The following MARCHF1 variants were observed in gnomAD, a reference collection of about 807,000 sequenced individuals.
MARCHF1 encodes membrane associated ring-CH-type finger 1.
MARCHF1 carries 40 observed loss-of-function variants against 54.2 expected under a neutral mutation model. The observed-to-expected ratio is 0.74, with a 90% CI of 0.57 to 0.96. The LOEUF (loss-of-function observed/expected upper bound fraction) is 0.96. Ranked by LOEUF, MARCHF1 falls within the 40% of genes least tolerant of loss-of-function variation. The pLI, the probability that MARCHF1 is intolerant of heterozygous loss-of-function variation, is 0.00. For synonymous variants in MARCHF1, 236 were observed against 236.3 expected, an observed-to-expected ratio of 1.00 and a Z score of 0.01; for missense variants, 586 against 656.5, an observed-to-expected ratio of 0.89 and a Z score of 1.17.
At chr4:163,592,439 C>A (rs1042932017) in intron 7 of MARCHF1, among the ~76,000 whole-genome samples, 3 of 152,070 alleles carry the variant, frequency 2.0e-5, no homozygotes, top group African/African-American at 7.2e-5. Context: ...ACAACAAAGA[C>A]AATGACATGG....
chr4:164,080,467 A>G (rs1560894562), intron 2 of MARCHF1, among the ~76,000 whole-genome samples: 5 of 152,180 alleles, frequency 3.3e-5, no homozygotes, highest in African/African-American at 9.7e-5. Context: ...TATATAGATG[A>G]GGATGGGCAG....
intron 5 of MARCHF1, among the ~76,000 whole-genome samples, chr4:163,623,070 G>C (rs961061178): frequency 3.3e-5 from 5 of 152,082 alleles, no homozygotes; most frequent in African/African-American, 1.2e-4. Context: ...CAGGAAATCT[G>C]GTTTGAAGTA....
At chr4:163,794,259 C>T (rs1460231847) in intron 4 of MARCHF1, among the ~76,000 whole-genome samples, 1 of 152,172 alleles carries the variant, frequency 6.6e-6, no homozygotes, top group Non-Finnish European at 1.5e-5. Flanking sequence ...ATGTTCCCTA[C>T]ATATTCTGCA....
chr4:163,893,139 TTA>T (rs1579371592), intron 3 of MARCHF1, among the ~76,000 whole-genome samples: 1 of 151,918 alleles, frequency 6.6e-6, no homozygotes, highest in East Asian at 1.9e-4. Flanking sequence ...CTTACATACT[TTA>T]AAAAAAATTT....
At chr4:163,543,082 G>A (rs1243710721) in intron 9 of MARCHF1, among the ~76,000 whole-genome samples, 1 of 152,160 alleles carries the variant, frequency 6.6e-6, no homozygotes, top group Non-Finnish European at 1.5e-5. Flanking sequence ...GGTCACGGGG[G>A]CAGCATAGTC....
At chr4:164,348,048 A>C (rs947922369) in intron 1 of MARCHF1, among the ~76,000 whole-genome samples, 3 of 152,328 alleles carry the variant, frequency 2.0e-5, no homozygotes, top group African/African-American at 7.2e-5. Flanking sequence ...CATAAATTAA[A>C]TGAAAAAGAA....
chr4:164,192,503 C>G (rs1040882815), intron 1 of MARCHF1, among the ~76,000 whole-genome samples: 4 of 152,120 alleles, frequency 2.6e-5, no homozygotes, highest in African/African-American at 9.7e-5. Flanking sequence ...CTTCTTGTTT[C>G]CATCATTCAA....
chr4:163,597,460 T>C (rs1341079152), intron 7 of MARCHF1, among the ~76,000 whole-genome samples: 1 of 152,172 alleles, frequency 6.6e-6, no homozygotes, highest in African/African-American at 2.4e-5. Context: ...AACTCTGTCA[T>C]TGAGAGATAT....
At chr4:164,092,584 T>C (rs188821311) in intron 2 of MARCHF1, among the ~76,000 whole-genome samples, 1 of 152,282 alleles carries the variant, frequency 6.6e-6, no homozygotes, top group Admixed American at 6.5e-5. Flanking sequence ...TTCCTCTCTC[T>C]ATTAGGACCA....
chr4:164,134,850 T>TAAA (rs5863662), intron 1 of MARCHF1, among the ~76,000 whole-genome samples: 1,787 of 145,774 alleles, frequency 0.012, 22 homozygotes, highest in Admixed American at 0.016. Context: ...TCAGTCTTAG[T>TAAA]AAAAAAAAAA....
intron 3 of MARCHF1, among the ~76,000 whole-genome samples, chr4:163,971,834 C>A (rs1752552536): frequency 6.6e-6 from 1 of 152,038 alleles, no homozygotes; most frequent in South Asian, 2.1e-4. Flanking sequence ...AGATCTCATC[C>A]AAAATTATTA....
intron 7 of MARCHF1, among the ~76,000 whole-genome samples, chr4:163,602,580 T>G (rs768564664): frequency 1.1e-4 from 16 of 152,082 alleles, no homozygotes; most frequent in South Asian, 6.2e-4. Flanking sequence ...CAGATTTTAT[T>G]AAAATCAACA....
At chr4:164,072,323 T>C (rs1394410112) in intron 2 of MARCHF1, among the ~76,000 whole-genome samples, 1 of 152,232 alleles carries the variant, frequency 6.6e-6, no homozygotes, top group African/African-American at 2.4e-5. Flanking sequence ...CGATGGCTCA[T>C]GCCTGTAATG....
intron 1 of MARCHF1, among the ~76,000 whole-genome samples, chr4:164,112,076 T>G (rs1755843935): frequency 6.6e-6 from 1 of 151,800 alleles, no homozygotes; most frequent in African/African-American, 2.4e-5. Context: ...CAATTTGATC[T>G]AGTTGTTTGA....
chr4:163,689,773 T>A (rs2111194607), intron 5 of MARCHF1, among the ~76,000 whole-genome samples: 1 of 152,262 alleles, frequency 6.6e-6, no homozygotes. Flanking sequence ...ACTATTCACA[T>A]CATCTGGCAT....
intron 2 of MARCHF1, among the ~76,000 whole-genome samples, chr4:164,038,715 G>A (rs1754064141): frequency 6.6e-6 from 1 of 152,102 alleles, no homozygotes; most frequent in African/African-American, 2.4e-5. Context: ...CTTCATGTCT[G>A]TCTTGTATCC....
At chr4:164,373,217 C>T (rs1731085700) in intron 1 of MARCHF1, among the ~76,000 whole-genome samples, 1 of 152,092 alleles carries the variant, frequency 6.6e-6, no homozygotes, top group African/African-American at 2.4e-5. Flanking sequence ...TTGACCAGTG[C>T]CATCTCACTA....
At chr4:163,845,287 G>T (rs1179503132) in intron 4 of MARCHF1, among the ~76,000 whole-genome samples, 2 of 152,056 alleles carry the variant, frequency 1.3e-5, no homozygotes, top group Non-Finnish European at 2.9e-5. Context: ...TTTATTTCCA[G>T]TTACAATTTT....
intron 2 of MARCHF1, among the ~76,000 whole-genome samples, chr4:163,990,516 ATTTAT>A (rs1463453694): frequency 6.6e-6 from 1 of 152,222 alleles, no homozygotes; most frequent in Non-Finnish European, 1.5e-5. Flanking sequence ...CAAACCTGGC[ATTTAT>A]TCATCATCAT....
Sources: allele counts gnomAD v4.1 joint callset (sites outside exome capture counted in the v4.1 genomes callset), GRCh38; gene constraint gnomAD v4.1.1; transcripts MANE v1.5; gene names NCBI Gene and HGNC (gene_info 2026-07-23, HGNC 2026-07-21).